The following POLQ variants were observed in gnomAD, a reference collection of about 807,000 sequenced individuals.
POLQ encodes the protein epididymis secretory sperm binding protein.
A neutral mutation model predicts 259.2 loss-of-function variants in POLQ; 233 were observed. The observed-to-expected ratio is 0.90, with a 90% CI of 0.81 to 1.00. POLQ has a LOEUF of 1.00. POLQ is among the 50% of genes least tolerant of loss of function. The pLI is 0.00. For synonymous variants in POLQ, 1,025 were observed against 1,048.8 expected (o/e 0.98, Z 0.44); for missense variants, 2,871 against 3,051.6 (o/e 0.94, Z 1.39).
intron 2 of POLQ, among the ~76,000 whole-genome samples, chr3:121,543,126 C>T: frequency 6.6e-6 from 1 of 152,044 alleles, no homozygotes; most frequent in South Asian, 2.1e-4. Flanking sequence ...AGAAAGGAGT[C>T]AGAAGCAAGA....
At chr3:121,447,539 T>G (rs951509952) in intron 26 of POLQ, among the ~76,000 whole-genome samples, 3 of 152,188 alleles carry the variant, frequency 2.0e-5, no homozygotes, top group Admixed American at 6.5e-5. Context: ...TACAGTTATT[T>G]TTGATTAATA....
At chr3:121,490,515 T>C in intron 15 of POLQ, 107 bp from the exon 16 acceptor site, 4 of 876,688 alleles carry the variant, frequency 4.6e-6, no homozygotes, top group South Asian at 3.3e-5. Context: ...AAAATAACAA[T>C]GAAGAAGAGA....
At chr3:121,463,489 A>G (rs546337115) in intron 24 of POLQ, among the ~76,000 whole-genome samples, 2 of 152,296 alleles carry the variant, frequency 1.3e-5, no homozygotes, top group South Asian at 4.1e-4. Flanking sequence ...TAGGTAACCT[A>G]ACAGTATGAT....
chr3:121,529,467 T>C (rs1391671593), intron 7 of POLQ, among the ~76,000 whole-genome samples, 178 bp downstream of exon 7: 1 of 152,190 alleles, frequency 6.6e-6, no homozygotes, highest in African/African-American at 2.4e-5. Context: ...ACATAGTCTA[T>C]ACTAGGGACG....
chr3:121,519,914 C>T lies in POLQ; in HGVS notation c.1425G>A (p.Lys475=). 3 of 1,610,196 alleles carry T rather than the reference C, an allele frequency of 1.9e-6. No homozygotes were observed. Among genetic ancestry groups the T allele is most frequent in the Non-Finnish European group, 2.5e-6 (3 of 1,176,602 alleles). The change falls in exon 9 of 30, where the codon AAG becomes AAA. Residue 475 remains lysine, a synonymous_variant. Coordinates refer to ENST00000264233, the MANE Select transcript of POLQ (RefSeq NM_199420.4). ...TCCTGCCAGCACGGCCAACCATCTG[C>T]TTATAAGTAAGAATATCTAGAGGTC... ...GGRPLDILTY[K]QMVGRAGRKG... is the part of the protein sequence containing the mutation.
At chr3:121,513,600 C>CAAA (rs59962408) in intron 9 of POLQ, among the ~76,000 whole-genome samples, 6 of 51,542 alleles carry the variant, frequency 1.2e-4, no homozygotes, top group African/African-American at 1.7e-4. Context: ...GACTCTATCT[C>CAAA]AAAAAAAAAA....
At position 121,487,593 on chromosome 3, in the gene POLQ, T is replaced by A; in HGVS notation, c.5338A>T (p.Ile1780Phe). The A allele has an allele frequency of 6.2e-7, 1 of 1,614,074 alleles. No individual in the cohort carries two copies. Among genetic ancestry groups the A allele is most frequent in the Admixed American group, 1.7e-5 (1 of 60,020 alleles). The change falls in exon 16 of 30, where the codon ATT becomes TTT. Residue 1780 changes from isoleucine to phenylalanine, a missense_variant. By Grantham distance (21) the Ile-to-Phe change is conservative. This residue lies in a region of POLQ where 2,080 missense variants were observed against 2,126.0 expected (regional missense o/e 0.98). Coordinates refer to ENST00000264233, the MANE Select transcript of POLQ (RefSeq NM_199420.4). ...CCTGGACTTAAATCGTGGTTTTTAA[T>A]ATCTGAAGGTGAGCCAAATAAATAA... ...ESYLFGSPSDIKNHDLSPGSR... is the reference protein window; with the variant it reads ...ESYLFGSPSDFKNHDLSPGSR...
At chr3:121,473,520 T>C (rs774563836) in intron 20 of POLQ, 33 bp from the exon 21 acceptor site, 97 of 1,573,026 alleles carry the variant, frequency 6.2e-5, no homozygotes, top group Admixed American at 1.1e-4. Context: ...TAGTCAAGAA[T>C]GAAACTTGCA....
Position 121,489,345 on chromosome 3 carries a change from G to A in POLQ, c.3586C>T (p.Leu1196=). ...HHDIHPINQY[L]RKQSHEQTST... ...GTCTGTTCATGAGATTGCTTTCGCA[G>A]GTACTGGTTAATTGGATGGATGTCA... Residue 1196 remains leucine (L), a synonymous_variant, in exon 16 of 30, where the codon CTG becomes TTG. Transcript: ENST00000264233. The A allele has an allele frequency of 6.2e-7, 1 of 1,613,190 alleles. No individual in the cohort carries two copies. Among genetic ancestry groups the A allele is most frequent in the Non-Finnish European group, 8.5e-7 (1 of 1,179,704 alleles).
Position 121,487,366 on chromosome 3 carries a change from A to G in POLQ, c.5565T>C (p.Ala1855=). ...RCKKRFSISL[A]CEKIRSLTSS... The stretch of plus-strand genomic sequence containing the variant: ...ATGTCAAACTTCTAATCTTTTCACA[A>G]GCCAGTGAGATGGAAAATCGCTTTT... The change falls in exon 16 of 30, where the codon GCT becomes GCC. Residue 1855 remains alanine, a synonymous_variant. Coordinates refer to ENST00000264233, the MANE Select transcript of POLQ (RefSeq NM_199420.4). 1.2e-6 allele frequency: 2 copies of G among 1,613,970 alleles called. No homozygotes were observed. Among genetic ancestry groups the G allele is most frequent in the Non-Finnish European group, 1.7e-6 (2 of 1,179,928 alleles).
chr3:121,457,571 G>A (rs934832100), intron 25 of POLQ, among the ~76,000 whole-genome samples: 49 of 152,254 alleles, frequency 3.2e-4, no homozygotes, highest in South Asian at 8.3e-4. Context: ...AAAAGTTGGC[G>A]AAGGACATAA....
At chr3:121,475,039 G>A (rs528200138) in intron 20 of POLQ, among the ~76,000 whole-genome samples, 3 of 152,158 alleles carry the variant, frequency 2.0e-5, no homozygotes, top group Admixed American at 6.6e-5. Context: ...TTTACTCTTA[G>A]TTACTTTGAA....
At chr3:121,526,872 T>C (rs978084217) in intron 7 of POLQ, among the ~76,000 whole-genome samples, 2 of 37,802 alleles carry the variant, frequency 5.3e-5, no homozygotes, top group African/African-American at 1.5e-4. Context: ...TGTGTGTCTC[T>C]GTATGTGTGT....
intron 6 of POLQ, 35 bp downstream of exon 6, chr3:121,532,955 A>T: frequency 7.8e-7 from 1 of 1,289,520 alleles, no homozygotes; most frequent in Non-Finnish European, 1.1e-6. Context: ...AAACACACAG[A>T]TAAAAATAGT....
rs769207465 is a variant in POLQ at position 121,432,903 on chromosome 3, G to C, written c.7659+15C>G. 3.7e-6 allele frequency: 5 copies of C among 1,359,984 alleles called. No individual in the cohort carries two copies. The highest frequency in any genetic ancestry group is 5.3e-6 in the Non-Finnish European group (5 of 948,448). 84.2% of individuals were successfully genotyped at this position (1,359,984 alleles called of 1,614,324 possible). ...TTGTCTTCCTATGGAATGGACACAAGCATTGCAAAAATACCTGAACAACAT... is the reference window on the plus strand; with the variant it reads ...TTGTCTTCCTATGGAATGGACACAACCATTGCAAAAATACCTGAACAACAT... On this transcript the variant is annotated intron_variant, in intron 29 of 29. Coordinates refer to ENST00000264233, the MANE Select transcript of POLQ (RefSeq NM_199420.4).
chr3:121,473,490 GC>G lies in POLQ; in HGVS notation c.6406-4del. On this transcript the variant is annotated splice_polypyrimidine_tract_variant and splice_region_variant and intron_variant, in intron 20 of 29. Coordinates refer to ENST00000264233, the MANE Select transcript of POLQ (RefSeq NM_199420.4). ...AACTTCAATTCCAAAAATAAAACCTGCAAGAAATTAATGTCTCTTTAGTCAA... is the reference window on the plus strand; with the variant it reads ...AACTTCAATTCCAAAAATAAAACCTGAAGAAATTAATGTCTCTTTAGTCAA... The G allele has an allele frequency of 6.2e-7, 1 of 1,607,562 alleles. No individual in the cohort carries two copies.
At chr3:121,433,646 G>A (rs936084490) in intron 28 of POLQ, among the ~76,000 whole-genome samples, 1 of 152,156 alleles carries the variant, frequency 6.6e-6, no homozygotes, top group African/African-American at 2.4e-5. Flanking sequence ...ATACCTTCCA[G>A]TAGCCATAAC....
At chr3:121,521,868 G>A in intron 8 of POLQ, 135 bp downstream of exon 8, 1 of 603,412 alleles carries the variant, frequency 1.7e-6, no homozygotes, top group Non-Finnish European at 2.6e-6. Flanking sequence ...ACCACGCCCA[G>A]CCCACACAAT....
At chr3:121,511,649 G>C (rs1019659227) in intron 10 of POLQ, among the ~76,000 whole-genome samples, 1 of 151,954 alleles carries the variant, frequency 6.6e-6, no homozygotes, top group Non-Finnish European at 1.5e-5. Context: ...ATGATGGTGT[G>C]TGCCTGTAAT....
Sources: gnomAD v4.1 joint callset for allele counts (sites outside exome capture counted in the v4.1 genomes callset) on GRCh38, gnomAD v4.1.1 for gene constraint, gnomAD v4.1.1 regional missense constraint, MANE v1.5 for transcripts, NCBI Gene and HGNC (gene_info 2026-07-23, HGNC 2026-07-21) for gene names.